Variants in KEAP1 observed in about 807,000 individuals in gnomAD.
KEAP1 encodes the protein kelch like ECH associated protein 1.
A neutral mutation model predicts 59.7 loss-of-function variants in KEAP1; 26 were observed. The observed-to-expected ratio is 0.44, with a 90% confidence interval of 0.32 to 0.60. The LOEUF is 0.60. KEAP1 is among the 20% of genes least tolerant of loss of function. The probability of loss-of-function intolerance (pLI) is 0.06; values close to 1 mark genes in which losing one functional copy is unlikely to be tolerated. For missense variants in KEAP1, 539 were observed against 871.4 expected, an observed-to-expected ratio of 0.62 and a Z score of 4.80; for synonymous variants, 350 against 358.3, an observed-to-expected ratio of 0.98 and a Z score of 0.26.
intron 2 of KEAP1, among the ~76,000 whole-genome samples, chr19:10,493,157 G>C (rs1352167698): frequency 7.6e-6 from 1 of 131,026 alleles, no homozygotes; most frequent in African/African-American, 3.3e-5. Context: ...CTCCAGAGCA[G>C]CTAATTTTTT....
chr19:10,496,322 C>A (rs1241433385), intron 2 of KEAP1, among the ~76,000 whole-genome samples: 1 of 151,704 alleles, frequency 6.6e-6, no homozygotes, highest in Non-Finnish European at 1.5e-5. Context: ...ATGGTGAAAC[C>A]CCATCTCTAC....
chr19:10,489,451 CCT>C (rs1914593487), intron 4 of KEAP1, 83 bp from the exon 5 acceptor site: 2 of 1,380,180 alleles, frequency 1.4e-6, no homozygotes, highest in South Asian at 2.6e-5. Context: ...GGAGACCTTT[CCT>C]CTCTCCTCTC....
At chr19:10,488,174 C>G (rs1453440923) in intron 5 of KEAP1, among the ~76,000 whole-genome samples, 4 of 152,056 alleles carry the variant, frequency 2.6e-5, no homozygotes, top group African/African-American at 9.7e-5. Context: ...GTATTCCCAG[C>G]TACTCAGGAG....
At chr19:10,487,972 T>C (rs914113728) in intron 5 of KEAP1, among the ~76,000 whole-genome samples, 9 of 151,514 alleles carry the variant, frequency 5.9e-5, no homozygotes, top group Admixed American at 1.3e-4. Context: ...CTACTAAAAA[T>C]ACAAAATTAG....
intron 2 of KEAP1, among the ~76,000 whole-genome samples, chr19:10,493,913 C>T (rs1206950669): frequency 6.6e-6 from 1 of 152,020 alleles, no homozygotes. Context: ...TCCCTAAGTG[C>T]TAGGATTACA....
Position 10,494,058 on chromosome 19 carries a change from C to A in KEAP1, c.640-1796G>T, listed in dbSNP as rs112486617. Among the ~76,000 whole-genome samples the A allele has an allele frequency of 0.02, 3,027 of 152,210 alleles. 243 individuals carry two copies. In the East Asian group the frequency reaches 0.28, roughly 14 times the overall value. ...CTGGGCTCAAACGATCTTCCCACCT[C>A]AGCCTCCTGAGTCGCTGGGACTACA... is the stretch of plus-strand genomic sequence containing the variant. On this transcript the variant is annotated intron_variant, in intron 2 of 5. Transcript: ENST00000171111.
Position 10,491,909 on chromosome 19 carries a change from C to T in KEAP1, c.993G>A (p.Ala331=), listed in dbSNP as rs745888675. Residue 331 remains alanine, a synonymous_variant, in exon 3 of 6, where the codon GCG becomes GCA. Transcript: ENST00000171111. This position sits in a 1 kb window ranked among gnomAD's most constrained non-coding sequence, Gnocchi z 5.2. ...TGAGCGACTGTCGGAAGTAGCCGCC[C>T]GCGGTGTAGATCAGGCGGCCCACCT... ...APKVGRLIYT[A]GGYFRQSLSY... 1.2e-6 allele frequency: 2 copies of T among 1,613,480 alleles called. No homozygotes were observed. The highest frequency in any genetic ancestry group is 8.5e-7 in the Non-Finnish European group (1 of 1,179,876).
In KEAP1 at chr19:10,499,894, T is replaced by C. The variant is rs2144629979; in HGVS notation, c.140A>G (p.His47Arg). The C allele has an allele frequency of 6.2e-7, 1 of 1,613,392 alleles. No individual in the cohort carries two copies. The highest frequency in any genetic ancestry group is 1.3e-5 in the African/African-American group (1 of 75,062). Residue 47 changes from histidine (H) to arginine (R), a missense_variant, in exon 2 of 6, where the codon CAT becomes CGT. By Grantham distance (29) the His-to-Arg change is conservative. Around this residue, in one of 4 missense-constraint regions of KEAP1, gnomAD observed 166 missense variants for 295.8 expected, o/e 0.56. Transcript: ENST00000171111. This position sits in a 1 kb window ranked among gnomAD's most constrained non-coding sequence, Gnocchi z 6.7. Reference protein sequence around the residue: ...ECKAEVTPSQHGNRTFSYTLE... With the variant: ...ECKAEVTPSQRGNRTFSYTLE... ...GGTGTAGCTGAAGGTGCGGTTGCCATGCTGGGAGGGCGTCACCTCCGCCTT... is the reference window on the plus strand; with the variant it reads ...GGTGTAGCTGAAGGTGCGGTTGCCACGCTGGGAGGGCGTCACCTCCGCCTT...
chr19:10,486,742 G>A lies in KEAP1; in HGVS notation c.1785C>T (p.Thr595=), dbSNP rs2144578100. The A allele has an allele frequency of 3.7e-6, 6 of 1,614,032 alleles. No individual in the cohort carries two copies. Among genetic ancestry groups the A allele is most frequent in the Non-Finnish European group, 5.1e-6 (6 of 1,180,018 alleles). ...DPDTDTWSEV[T]RMTSGRSGVG... ...CCCCACTCCGGCCCGATGTCATTCGGGTCACCTCGCTCCAGGTGTCTGTAT... is the reference window on the plus strand; with the variant it reads ...CCCCACTCCGGCCCGATGTCATTCGAGTCACCTCGCTCCAGGTGTCTGTAT... Residue 595 remains threonine, a synonymous_variant, in exon 6 of 6, where the codon ACC becomes ACT. Coordinates refer to ENST00000171111, the MANE Select transcript of KEAP1 (RefSeq NM_203500.2).
chr19:10,489,182 A>G lies in KEAP1; in HGVS notation c.1708+10T>C. On this transcript the variant is annotated intron_variant, in intron 5 of 5. Coordinates refer to ENST00000171111, the MANE Select transcript of KEAP1 (RefSeq NM_203500.2). ...CTAGTCAGGACTCTTCCCCGCCCCC[A>G]GGGCCTCACCAAGGACGTAGATTCT... The G allele has an allele frequency of 6.3e-7, 1 of 1,596,804 alleles. No individual in the cohort carries two copies. Among genetic ancestry groups the G allele is most frequent in the Non-Finnish European group, 8.5e-7 (1 of 1,170,884 alleles).
chr19:10,495,001 A>G (rs1270300674), intron 2 of KEAP1, among the ~76,000 whole-genome samples: 1 of 149,916 alleles, frequency 6.7e-6, no homozygotes, highest in Non-Finnish European at 1.5e-5. Context: ...CTCTGTCGTC[A>G]GGCTGGATAC....
chr19:10,501,805 C>T (rs775258739), intron 1 of KEAP1, among the ~76,000 whole-genome samples: 9 of 151,948 alleles, frequency 5.9e-5, no homozygotes, highest in Non-Finnish European at 1.0e-4. Flanking sequence ...CTCGACCTCC[C>T]AAAATGCTGG....
intron 3 of KEAP1, 70 bp from the exon 4 acceptor site, chr19:10,489,923 G>T (rs1053036580): frequency 5.3e-5 from 74 of 1,398,782 alleles, no homozygotes; most frequent in Non-Finnish European, 6.7e-5. Context: ...TTAAGGGCCA[G>T]ATACTCTTTT....
At position 10,492,291 on chromosome 19, in the gene KEAP1, A is replaced by G. The variant is rs760969795; in HGVS notation, c.640-29T>C. Reference sequence around the variant, plus strand: ...CAGAGGGCGACAGTGGGACGGGCTGACTCTCCAGTCACCCCCACACCTCAC... The same window carrying G: ...CAGAGGGCGACAGTGGGACGGGCTGGCTCTCCAGTCACCCCCACACCTCAC... On this transcript the variant is annotated intron_variant, in intron 2 of 5. Transcript: ENST00000171111. The G allele has an allele frequency of 6.4e-6, 10 of 1,567,762 alleles. No individual in the cohort carries two copies. The Admixed American group carries it at 1.5e-4, about 24-fold the overall frequency.
At chr19:10,488,728 C>T (rs1381546842) in intron 5 of KEAP1, among the ~76,000 whole-genome samples, 2 of 152,048 alleles carry the variant, frequency 1.3e-5, no homozygotes, top group East Asian at 1.9e-4. Context: ...GTCAGGAGTT[C>T]GAGACCATCC....
At position 10,500,053 on chromosome 19, in the gene KEAP1, A is replaced by G; in HGVS notation, c.-20T>C. On this transcript the variant is annotated 5_prime_UTR_variant, in exon 2 of 6. Transcript: ENST00000171111. ...CTGCATGGGGTTCCAGAAGATAAGC[A>G]ACACCACCACCTCTGGCACTCAGGG... The G allele has an allele frequency of 6.5e-7, 1 of 1,531,934 alleles. No homozygotes were observed. Among genetic ancestry groups the G allele is most frequent in the African/African-American group, 1.4e-5 (1 of 72,696 alleles). The allele number at this position is 1,531,934 out of a possible 1,614,324, so 94.9% of individuals were successfully genotyped here. A position where few individuals can be genotyped will look rare whatever the true frequency, so the allele number is the denominator to read the frequency against.
chr19:10,499,458 C>T lies in KEAP1; in HGVS notation c.576G>A (p.Glu192=), dbSNP rs2144624763. ...GGTGCAACTCCACACAGCCAATCTGCTCAGCGAAGTTGGCGATGCCGATGG... is the reference window on the plus strand; with the variant it reads ...GGTGCAACTCCACACAGCCAATCTGTTCAGCGAAGTTGGCGATGCCGATGG... ...SNAIGIANFA[E]QIGCVELHQR... Residue 192 remains glutamate, a synonymous_variant, in exon 2 of 6, where the codon GAG becomes GAA. Coordinates refer to ENST00000171111, the MANE Select transcript of KEAP1 (RefSeq NM_203500.2). This position sits in a 1 kb window ranked among gnomAD's most constrained non-coding sequence, Gnocchi z 6.7. 6 of 1,614,084 alleles carry T rather than the reference C, an allele frequency of 3.7e-6. No homozygotes were observed. Among genetic ancestry groups the T allele is most frequent in the Non-Finnish European group, 5.1e-6 (6 of 1,180,014 alleles).
At chr19:10,498,413 G>T (rs1914929703) in intron 2 of KEAP1, among the ~76,000 whole-genome samples, 1 of 151,892 alleles carries the variant, frequency 6.6e-6, no homozygotes, top group Non-Finnish European at 1.5e-5. Flanking sequence ...CACCATATTG[G>T]TCAGGCTGGT....
intron 5 of KEAP1, among the ~76,000 whole-genome samples, chr19:10,487,069 C>T (rs1460898203): frequency 6.9e-6 from 1 of 145,066 alleles, no homozygotes; most frequent in East Asian, 2.0e-4. Context: ...AATGGCCAGG[C>T]TTGGTAGCTC....
Sources: gnomAD v4.1 joint callset for allele counts (sites outside exome capture counted in the v4.1 genomes callset) on GRCh38, gnomAD v4.1.1 for gene constraint, gnomAD v4.1.1 regional missense constraint, Gnocchi (gnomAD v3.1) non-coding constraint, MANE v1.5 for transcripts, NCBI Gene and HGNC (gene_info 2026-07-23, HGNC 2026-07-21) for gene names.